Variants in DEGS2 observed in about 807,000 individuals in gnomAD.
DEGS2 encodes the protein delta 4-desaturase, sphingolipid 2.
In DEGS2, 19 loss-of-function variants were observed where a neutral mutation model predicts 23.8. That is an observed-to-expected ratio of 0.80 (90% confidence interval 0.56 to 1.17). The LOEUF is 1.17. Among genes scored for constraint, DEGS2 ranks in the 50% most tolerant of loss-of-function variants. DEGS2 has a pLI of 0.00. For synonymous variants in DEGS2, 218 were observed against 213.7 expected (o/e 1.02, Z -0.18); for missense variants, 390 against 459.5 (o/e 0.85, Z 1.38).
chr14:100,153,041 G>A (rs938749924), intron 1 of DEGS2, among the ~76,000 whole-genome samples: 14 of 152,074 alleles, frequency 9.2e-5, no homozygotes, highest in African/African-American at 3.4e-4. Flanking sequence ...AGGTTTCCTT[G>A]AGCCCAGGAG....
rs550672585 is a variant in DEGS2, at chr14:100,157,540, C to G, written c.82+1966G>C. 5.5e-4 allele frequency among the ~76,000 whole-genome samples: 84 copies of G among 152,332 alleles called. No homozygotes were observed. The Middle Eastern group carries it at 0.017, about 31-fold the overall frequency. On this transcript the variant is annotated intron_variant, in intron 1 of 2. Transcript: ENST00000305631. ...GAGGGTCAGATGACCCCCAAGGTTC[C>G]TCCCAGCCCTCCCCAGGAGTTCCAC... is the stretch of plus-strand genomic sequence containing the variant.
At chr14:100,154,944 GGGCTCCCAAAAGCAAAGGGGCCTCT>G (rs1164445390) in intron 1 of DEGS2, among the ~76,000 whole-genome samples, 207 of 152,282 alleles carry the variant, frequency 1.4e-3, no homozygotes, top group African/African-American at 4.7e-3. Flanking sequence ...GTCCCCAGCA[GGGCTCCCAAAAGCAAAGGGGCCTCT>G]TATCTCTTCC....
chr14:100,154,435 C>G (rs1427567331), intron 1 of DEGS2, among the ~76,000 whole-genome samples: 1 of 152,194 alleles, frequency 6.6e-6, no homozygotes, highest in Non-Finnish European at 1.5e-5. Flanking sequence ...AAGCCCCTGT[C>G]CCTCTCTGGA....
the DEGS2 span, among the ~76,000 whole-genome samples, chr14:100,166,338 C>G: frequency 0.023 from 566 of 24,754 alleles, 34 homozygotes; most frequent in South Asian, 0.049. Context: ...TGTGGGGGAG[C>G]CTGCCCGGGG....
chr14:100,153,305 A>AGATG (rs139880315), intron 1 of DEGS2, among the ~76,000 whole-genome samples: 1 of 150,110 alleles, frequency 6.7e-6, no homozygotes, highest in African/African-American at 2.5e-5. Context: ...ATAGATAGAT[A>AGATG]ATAGATGTGA....
intron 1 of DEGS2, among the ~76,000 whole-genome samples, chr14:100,151,161 C>T (rs1369412100): frequency 6.6e-6 from 1 of 152,250 alleles, no homozygotes. Flanking sequence ...ATGGGGACGC[C>T]ATTCCTCTAT....
In DEGS2 at chr14:100,151,019, G is replaced by T. The variant is rs146589177; in HGVS notation, c.83-1309C>A. Reference sequence around the variant, plus strand: ...CTAAGTCCCCTCTGAGTGGACTCTGGGCTGTTTCCAGTGTGGCACATCTGG... The same window carrying T: ...CTAAGTCCCCTCTGAGTGGACTCTGTGCTGTTTCCAGTGTGGCACATCTGG... On this transcript the variant is annotated intron_variant, in intron 1 of 2. Transcript: ENST00000305631. Among the ~76,000 whole-genome samples the T allele has an allele frequency of 7.6e-3, 1,149 of 151,100 alleles. 15 individuals are homozygous for T. The highest frequency in any genetic ancestry group is 0.027 in the African/African-American group (1,088 of 40,404).
At chr14:100,151,316 T>C (rs538187275) in intron 1 of DEGS2, among the ~76,000 whole-genome samples, 1 of 152,252 alleles carries the variant, frequency 6.6e-6, no homozygotes, top group East Asian at 1.9e-4. Flanking sequence ...GGCCTGGCCC[T>C]GGCTTGTTTC....
chr14:100,145,246 A>G lies in DEGS2; in HGVS notation c.*1515T>C, dbSNP rs1889419485. The G allele has an allele frequency of 6.6e-6, 1 of 152,278 alleles. No individual in the cohort carries two copies. Among genetic ancestry groups the G allele is most frequent in the African/African-American group, 2.4e-5 (1 of 41,444 alleles). The allele number at this position is 152,278 out of a possible 1,614,324, so 9.4% of individuals were successfully genotyped here. On this transcript the variant is annotated 3_prime_UTR_variant, in exon 3 of 3. Coordinates refer to ENST00000305631, the MANE Select transcript of DEGS2 (RefSeq NM_206918.3). ...CGCTGTCTGCAGAAAAGTGTGCTGA[A>G]CGAGGCACCCCCTCAGGCACAGCAG...
At chr14:100,166,079 T>G in the DEGS2 span, among the ~76,000 whole-genome samples, 231 of 1,598 alleles carry the variant, frequency 0.14, no homozygotes, top group Admixed American at 0.19. Flanking sequence ...CTGGGGGAGT[T>G]GGGGGAGCCT....
Position 100,145,493 on chromosome 14 carries a change from A to T in DEGS2, c.*1268T>A, listed in dbSNP as rs1484481066. 6.6e-6 allele frequency: 1 copy of T among 152,232 alleles called. No individual in the cohort carries two copies. Among genetic ancestry groups the T allele is most frequent in the Non-Finnish European group, 1.5e-5 (1 of 68,062 alleles). 9.4% of individuals were successfully genotyped at this position (152,232 alleles called of 1,614,324 possible). On this transcript the variant is annotated 3_prime_UTR_variant, in exon 3 of 3. Transcript: ENST00000305631. ...CTCCCAGGTATAGGGGGAGACCTGC[A>T]TCTCCCAGGTCAGCAGGGACAGCCC...
At chr14:100,160,962 A>T (rs1315030060), upstream of DEGS2, among the ~76,000 whole-genome samples, 2 of 152,168 alleles carry the variant, frequency 1.3e-5, no homozygotes, top group Admixed American at 6.5e-5. Flanking sequence ...CCTTGGGAGA[A>T]GACTCATTGC....
At chr14:100,147,701 G>A (rs1889477629) in intron 2 of DEGS2, among the ~76,000 whole-genome samples, 1 of 110,134 alleles carries the variant, frequency 9.1e-6, no homozygotes, top group Non-Finnish European at 1.7e-5. Context: ...TCTTTGCCCT[G>A]TCACCTCCTA....
chr14:100,149,250 G>C lies in DEGS2; in HGVS notation c.543C>G (p.Ala181=), dbSNP rs554165607. 25 of 1,612,732 alleles carry C rather than the reference G, an allele frequency of 1.6e-5. No individual in the cohort carries two copies. Among genetic ancestry groups the C allele is most frequent in the Non-Finnish European group, 2.1e-5 (25 of 1,179,904 alleles). The change falls in exon 2 of 3, where the codon GCC becomes GCG. Residue 181 remains alanine, a synonymous_variant. Transcript: ENST00000305631. The part of the protein sequence containing the change: ...SLRPLCVHPK[A]VTRMEVLNTL... ...TGTTGAGCACCTCCATGCGGGTCACGGCCTTGGGGTGGACGCAGAGCGGCC... is the reference window on the plus strand; with the variant it reads ...TGTTGAGCACCTCCATGCGGGTCACCGCCTTGGGGTGGACGCAGAGCGGCC...
intron 1 of DEGS2, among the ~76,000 whole-genome samples, chr14:100,153,644 G>A (rs1357111915): frequency 6.6e-6 from 1 of 152,204 alleles, no homozygotes; most frequent in Non-Finnish European, 1.5e-5. Flanking sequence ...GTGTGACTCT[G>A]CCCTTCCACA....
intron 1 of DEGS2, among the ~76,000 whole-genome samples, chr14:100,154,193 C>T (rs142091560): frequency 1.1e-3 from 169 of 152,160 alleles, no homozygotes; most frequent in African/African-American, 3.9e-3. Flanking sequence ...GGTGAAACCC[C>T]GTCTCTACTA....
rs1015338295 is a variant in DEGS2 at position 100,146,913 on chromosome 14, G to A, written c.826-6C>T. On this transcript the variant is annotated splice_polypyrimidine_tract_variant and splice_region_variant and intron_variant, in intron 2 of 2. Coordinates refer to ENST00000305631, the MANE Select transcript of DEGS2 (RefSeq NM_206918.3). ...TCGGGCGCGATCTTCCGCACCTGTA[G>A]AGAGGAGGGCGGGGCTCAGGGGCTG... 4 of 1,611,368 alleles carry A rather than the reference G, an allele frequency of 2.5e-6. No individual in the cohort carries two copies. Among genetic ancestry groups the A allele is most frequent in the Non-Finnish European group, 3.4e-6 (4 of 1,178,908 alleles).
chr14:100,164,087 G>A (rs1889779797), upstream of DEGS2, among the ~76,000 whole-genome samples: 1 of 151,786 alleles, frequency 6.6e-6, no homozygotes, highest in Non-Finnish European at 1.5e-5. Context: ...GTGGTGGCTC[G>A]CGCCTGTGGT....
the DEGS2 span, among the ~76,000 whole-genome samples, chr14:100,164,858 G>A: frequency 2.6e-5 from 4 of 152,200 alleles, no homozygotes; most frequent in African/African-American, 9.7e-5. Context: ...ATACATGTGC[G>A]AGAATAGTCC....
Sources: gnomAD v4.1 joint callset for allele counts (sites outside exome capture counted in the v4.1 genomes callset) on GRCh38, gnomAD v4.1.1 for gene constraint, MANE v1.5 for transcripts, NCBI Gene and HGNC (gene_info 2026-07-23, HGNC 2026-07-21) for gene names.